The following SLC2A13 variants were observed in gnomAD, a reference collection of about 807,000 sequenced individuals.
SLC2A13 encodes the protein solute carrier family 2 member 13.
A neutral mutation model predicts 64.4 loss-of-function variants in SLC2A13; 32 were observed. The ratio of observed to expected loss-of-function variants is 0.50; its 90% CI spans 0.37 to 0.67. The LOEUF (loss-of-function observed/expected upper bound fraction) is 0.67. Among genes scored for constraint, SLC2A13 ranks in the 30% least tolerant of loss-of-function variants. The pLI is 0.00. For missense variants in SLC2A13, 743 were observed against 829.2 expected (o/e 0.90, Z 1.28); for synonymous variants, 338 against 327.1 (o/e 1.03, Z -0.36).
At chr12:39,764,648 G>C (rs1486699212) in intron 8 of SLC2A13, 36 bp from the exon 9 acceptor site, 1 of 1,581,748 alleles carries the variant, frequency 6.3e-7, no homozygotes, top group Non-Finnish European at 8.6e-7. Context: ...TAGTAAAATA[G>C]CATGTAAGAA....
At chr12:40,095,371 T>C (rs1348783338) in intron 1 of SLC2A13, among the ~76,000 whole-genome samples, 1 of 152,272 alleles carries the variant, frequency 6.6e-6, no homozygotes, top group African/African-American at 2.4e-5. Context: ...CTGTGCTATA[T>C]GTAAACTAAA....
At chr12:39,780,741 G>A (rs1592130920) in intron 7 of SLC2A13, among the ~76,000 whole-genome samples, 1 of 152,164 alleles carries the variant, frequency 6.6e-6, no homozygotes, top group Non-Finnish European at 1.5e-5. Context: ...AATGCAATAA[G>A]ATGGCAGTGT....
At chr12:39,763,406 T>C (rs956747277) in intron 9 of SLC2A13, among the ~76,000 whole-genome samples, 15 of 152,094 alleles carry the variant, frequency 9.9e-5, no homozygotes, top group African/African-American at 3.6e-4. Flanking sequence ...ATATTCACCA[T>C]TCATCTGCAA....
intron 1 of SLC2A13, among the ~76,000 whole-genome samples, chr12:40,075,033 A>G (rs1439954019): frequency 6.6e-6 from 1 of 152,176 alleles, no homozygotes; most frequent in East Asian, 1.9e-4. Flanking sequence ...CTGTGTTTTA[A>G]CTAATTTTTT....
chr12:39,885,490 C>T (rs1169409972), intron 4 of SLC2A13, among the ~76,000 whole-genome samples: 1 of 152,066 alleles, frequency 6.6e-6, no homozygotes, highest in Non-Finnish European at 1.5e-5. Flanking sequence ...GTGGATGAAG[C>T]ACTTCTATGG....
chr12:39,764,381 T>C, intron 9 of SLC2A13, 79 bp downstream of exon 9: 3 of 1,261,468 alleles, frequency 2.4e-6, no homozygotes, highest in Non-Finnish European at 3.2e-6. Context: ...ATAGTCTCAA[T>C]CACAAATGAT....
intron 4 of SLC2A13, among the ~76,000 whole-genome samples, chr12:39,896,976 C>T (rs1235158193): frequency 2.0e-5 from 3 of 152,140 alleles, no homozygotes; most frequent in East Asian, 3.9e-4. Flanking sequence ...AACTTTTAAC[C>T]AGGGAGGTGA....
intron 6 of SLC2A13, among the ~76,000 whole-genome samples, chr12:39,851,571 CA>C (rs1213995630): frequency 2.0e-5 from 3 of 152,110 alleles, no homozygotes; most frequent in Non-Finnish European, 4.4e-5. Flanking sequence ...ACTGAAGGAG[CA>C]ACATTATCAT....
intron 4 of SLC2A13, among the ~76,000 whole-genome samples, chr12:39,878,607 C>T (rs764754807): frequency 1.2e-4 from 19 of 152,190 alleles, no homozygotes; most frequent in South Asian, 2.1e-4. Flanking sequence ...TTCAAGAAGT[C>T]GCCTGTCTGC....
At chr12:40,050,751 G>A (rs1193089459) in intron 1 of SLC2A13, among the ~76,000 whole-genome samples, 3 of 152,072 alleles carry the variant, frequency 2.0e-5, no homozygotes, top group East Asian at 1.9e-4. Flanking sequence ...CTATATTGAC[G>A]GATCATCATA....
At chr12:39,977,927 C>G (rs534614459) in intron 3 of SLC2A13, among the ~76,000 whole-genome samples, 1 of 152,324 alleles carries the variant, frequency 6.6e-6, no homozygotes, top group South Asian at 2.1e-4. Context: ...CCATTTCCCT[C>G]CTATCTAAAT....
intron 4 of SLC2A13, among the ~76,000 whole-genome samples, chr12:39,879,074 GC>G (rs1340599547): frequency 7.2e-5 from 11 of 152,394 alleles, no homozygotes; most frequent in African/African-American, 2.4e-4. Context: ...CAAGGCATAA[GC>G]CTTGCTGTCT....
At chr12:39,954,465 G>A (rs528805797) in intron 3 of SLC2A13, among the ~76,000 whole-genome samples, 52 of 152,274 alleles carry the variant, frequency 3.4e-4, no homozygotes, top group African/African-American at 1.2e-3. Context: ...AGAGCTACTG[G>A]AAAGGGTTAG....
chr12:40,091,954 TG>T (rs1938783875), intron 1 of SLC2A13, among the ~76,000 whole-genome samples: 1 of 152,194 alleles, frequency 6.6e-6, no homozygotes. Flanking sequence ...AATAACTCTA[TG>T]AATTAGGTTT....
intron 4 of SLC2A13, among the ~76,000 whole-genome samples, chr12:39,929,348 C>T (rs1282404439): frequency 1.3e-5 from 2 of 151,838 alleles, no homozygotes; most frequent in African/African-American, 2.4e-5. Context: ...GTCAGGAGTT[C>T]GAGACTAGCC....
intron 9 of SLC2A13, among the ~76,000 whole-genome samples, chr12:39,763,674 G>A (rs533735793): frequency 6.6e-6 from 1 of 152,172 alleles, no homozygotes; most frequent in Non-Finnish European, 1.5e-5. Flanking sequence ...TAAGCAGCAG[G>A]CATTCCGTCT....
intron 4 of SLC2A13, among the ~76,000 whole-genome samples, chr12:39,908,826 G>T (rs1345373041): frequency 6.6e-6 from 1 of 151,998 alleles, no homozygotes; most frequent in Non-Finnish European, 1.5e-5. Context: ...CAGGAAAACA[G>T]ACCTTGTATG....
intron 7 of SLC2A13, among the ~76,000 whole-genome samples, chr12:39,828,225 T>C (rs914299950): frequency 4.6e-5 from 7 of 152,200 alleles, no homozygotes; most frequent in East Asian, 1.9e-4. Flanking sequence ...AGGAGCACCG[T>C]TGCTCAGCAC....
At chr12:39,864,929 T>C in intron 5 of SLC2A13, 47 bp from the exon 6 acceptor site, 1 of 1,542,442 alleles carries the variant, frequency 6.5e-7, no homozygotes, top group Non-Finnish European at 8.8e-7. Flanking sequence ...ACAATATTGT[T>C]TTAAGGCAGA....
Sources: allele counts gnomAD v4.1 joint callset (sites outside exome capture counted in the v4.1 genomes callset), GRCh38; gene constraint gnomAD v4.1.1; transcripts MANE v1.5; gene names NCBI Gene and HGNC (gene_info 2026-07-23, HGNC 2026-07-21).